The following AFG2A variants were observed in gnomAD, a reference collection of about 807,000 sequenced individuals.
AFG2A encodes ATPase family gene 2 protein homolog A.
At chr4:123,014,574 G>A in the AFG2A span, among the ~76,000 whole-genome samples, 8 of 152,082 alleles carry the variant, frequency 5.3e-5, no homozygotes, top group Non-Finnish European at 1.0e-4. Context: ...CCAGATCTGA[G>A]GACAGTGCTA....
chr4:123,311,325 A>T, the AFG2A span, among the ~76,000 whole-genome samples: 1 of 152,146 alleles, frequency 6.6e-6, no homozygotes, highest in Non-Finnish European at 1.5e-5. Context: ...CTTATAGCTC[A>T]TAGAAAAATC....
chr4:123,105,934 A>G, the AFG2A span, among the ~76,000 whole-genome samples: 2 of 152,218 alleles, frequency 1.3e-5, no homozygotes, highest in Non-Finnish European at 2.9e-5. Flanking sequence ...TTAAAACAGC[A>G]GGGTTTGAGA....
the AFG2A span, among the ~76,000 whole-genome samples, chr4:123,129,169 G>C: frequency 6.6e-6 from 1 of 152,126 alleles, no homozygotes; most frequent in Non-Finnish European, 1.5e-5. Flanking sequence ...TAAGACAAAA[G>C]AGCTAAGTAA....
At chr4:123,182,038 A>T in the AFG2A span, among the ~76,000 whole-genome samples, 4 of 152,180 alleles carry the variant, frequency 2.6e-5, no homozygotes, top group Non-Finnish European at 4.4e-5. Flanking sequence ...GTTGCAGGTA[A>T]GCTCTGAAAC....
chr4:123,128,729 T>C, the AFG2A span, among the ~76,000 whole-genome samples: 1,329 of 152,266 alleles, frequency 8.7e-3, 10 homozygotes, highest in Non-Finnish European at 0.014. Context: ...AAAATGATTA[T>C]GGTTAAACCC....
At chr4:123,316,548 C>T in the AFG2A span, 1 of 152,260 alleles carries the variant, frequency 6.6e-6, no homozygotes, top group East Asian at 1.9e-4. Context: ...TTACCTTCTT[C>T]CCTATTAAAT....
At chr4:123,043,915 A>G in the AFG2A span, among the ~76,000 whole-genome samples, 1 of 152,212 alleles carries the variant, frequency 6.6e-6, no homozygotes, top group East Asian at 1.9e-4. Context: ...TTCTTTGGAA[A>G]GTCAACAGGC....
the AFG2A span, among the ~76,000 whole-genome samples, chr4:123,181,968 G>A: frequency 1.9e-4 from 29 of 152,256 alleles, no homozygotes; most frequent in Middle Eastern, 3.4e-3. Flanking sequence ...TATGGCATGT[G>A]AATTCAGTGT....
the AFG2A span, among the ~76,000 whole-genome samples, chr4:123,024,266 C>G: frequency 7.0e-6 from 1 of 143,790 alleles, no homozygotes; most frequent in African/African-American, 2.5e-5. Context: ...AATAAAGCAA[C>G]CTGTGGCACA....
the AFG2A span, among the ~76,000 whole-genome samples, chr4:122,979,605 G>T: frequency 1.1e-3 from 168 of 152,290 alleles, no homozygotes; most frequent in Middle Eastern, 0.01. Flanking sequence ...GCAACATTTT[G>T]CAAAACTGAA....
the AFG2A span, among the ~76,000 whole-genome samples, chr4:123,005,456 T>TG: frequency 1.3e-5 from 2 of 152,142 alleles, no homozygotes; most frequent in African/African-American, 2.4e-5. Context: ...CGCCCAGCCT[T>TG]GTTTTATTGG....
chr4:122,945,258 A>G, the AFG2A span, among the ~76,000 whole-genome samples: 3 of 152,244 alleles, frequency 2.0e-5, no homozygotes, highest in African/African-American at 7.2e-5. Context: ...CTACAGAGGC[A>G]GGCAGGCTTC....
chr4:123,223,444 G>GA, the AFG2A span, among the ~76,000 whole-genome samples: 1 of 151,968 alleles, frequency 6.6e-6, no homozygotes, highest in African/African-American at 2.4e-5. Context: ...AATTTATAAA[G>GA]AAAAAAAGGT....
the AFG2A span, among the ~76,000 whole-genome samples, chr4:123,301,191 A>G: frequency 5.9e-5 from 9 of 152,186 alleles, no homozygotes; most frequent in Non-Finnish European, 8.8e-5. Flanking sequence ...ATAAGTTTCA[A>G]TGTATTCTTA....
chr4:123,055,700 A>G, the AFG2A span, among the ~76,000 whole-genome samples: 1 of 152,206 alleles, frequency 6.6e-6, no homozygotes, highest in Non-Finnish European at 1.5e-5. Flanking sequence ...GCATGCATGC[A>G]TGCTCGTGCG....
the AFG2A span, among the ~76,000 whole-genome samples, chr4:123,052,722 T>C: frequency 1.3e-5 from 2 of 152,194 alleles, no homozygotes; most frequent in African/African-American, 4.8e-5. Flanking sequence ...ATTATGTGTA[T>C]ATGAAAAGGA....
At chr4:123,038,743 A>T in the AFG2A span, among the ~76,000 whole-genome samples, 1 of 152,080 alleles carries the variant, frequency 6.6e-6, no homozygotes, top group Non-Finnish European at 1.5e-5. Flanking sequence ...GACTTGAATT[A>T]TTCCAATGCG....
chr4:122,930,205 T>C, the AFG2A span, among the ~76,000 whole-genome samples: 109 of 152,332 alleles, frequency 7.2e-4, 1 homozygote, highest in Non-Finnish European at 1.3e-4. Context: ...AGGGTAATTG[T>C]TTGAATCTAC....
At chr4:123,055,157 C>G in the AFG2A span, among the ~76,000 whole-genome samples, 1 of 152,156 alleles carries the variant, frequency 6.6e-6, no homozygotes, top group African/African-American at 2.4e-5. Flanking sequence ...CAAGTGTATT[C>G]ATTGTATGTA....
Sources: gnomAD v4.1 joint callset for allele counts (sites outside exome capture counted in the v4.1 genomes callset) on GRCh38, gnomAD v4.1.1 for gene constraint, MANE v1.5 for transcripts, NCBI Gene and HGNC (gene_info 2026-07-23, HGNC 2026-07-21) for gene names.